Variants in MEGF11 observed in about 807,000 individuals in gnomAD.
MEGF11 encodes the protein multiple EGF like domains 11.
MEGF11 carries 126 observed loss-of-function variants against 146.6 expected under a neutral mutation model. The ratio of observed to expected loss-of-function variants is 0.86; its 90% CI spans 0.74 to 1.00. The LOEUF is 1.00. Among genes scored for constraint, MEGF11 ranks in the 50% least tolerant of loss-of-function variants. MEGF11 has a pLI of 0.00. For synonymous variants in MEGF11, 532 were observed against 583.4 expected (o/e 0.91, Z 1.27); for missense variants, 1,509 against 1,521.2 (o/e 0.99, Z 0.13).
intron 1 of MEGF11, among the ~76,000 whole-genome samples, chr15:66,140,605 G>A (rs942662002): frequency 1.3e-5 from 2 of 152,184 alleles, no homozygotes; most frequent in Non-Finnish European, 2.9e-5. Context: ...TAAATTTGCC[G>A]TAATACATAC....
At chr15:66,197,373 T>C (rs1464702642) in intron 1 of MEGF11, among the ~76,000 whole-genome samples, 1 of 152,218 alleles carries the variant, frequency 6.6e-6, no homozygotes, top group Non-Finnish European at 1.5e-5. Context: ...CATGCACATT[T>C]TCCCTGCCTT....
At chr15:66,096,583 G>T (rs1299432612) in intron 4 of MEGF11, among the ~76,000 whole-genome samples, 1 of 152,124 alleles carries the variant, frequency 6.6e-6, no homozygotes, top group Non-Finnish European at 1.5e-5. Context: ...CTGGCGGTGG[G>T]GCCGTTCCAG....
chr15:66,057,758 C>T (rs1402148741), intron 5 of MEGF11, among the ~76,000 whole-genome samples: 4 of 152,112 alleles, frequency 2.6e-5, no homozygotes, highest in African/African-American at 9.7e-5. Context: ...TGTTTAGGCT[C>T]ACTGACATTT....
chr15:65,967,045 C>G (rs1035953483), intron 8 of MEGF11: 5 of 152,146 alleles, frequency 3.3e-5, no homozygotes, highest in African/African-American at 1.2e-4. Flanking sequence ...AGCACTGATT[C>G]AACAGTGCGG....
At chr15:66,126,215 G>A (rs556221683) in intron 2 of MEGF11, among the ~76,000 whole-genome samples, 4 of 152,270 alleles carry the variant, frequency 2.6e-5, no homozygotes, top group African/African-American at 9.6e-5. Context: ...ACCGGGGTGT[G>A]TTTCTGGAAC....
chr15:66,006,442 A>C (rs2082523185), intron 5 of MEGF11, among the ~76,000 whole-genome samples: 1 of 152,240 alleles, frequency 6.6e-6, no homozygotes. Flanking sequence ...GGCAGGGCCA[A>C]GCATCAAGGT....
At chr15:66,077,895 T>C (rs2085659778) in intron 5 of MEGF11, among the ~76,000 whole-genome samples, 1 of 152,084 alleles carries the variant, frequency 6.6e-6, no homozygotes, top group Non-Finnish European at 1.5e-5. Flanking sequence ...GAGATGAGGT[T>C]GAAAGCCAGG....
chr15:66,145,468 C>A (rs1461867869), intron 1 of MEGF11, among the ~76,000 whole-genome samples: 1 of 152,152 alleles, frequency 6.6e-6, no homozygotes, highest in East Asian at 1.9e-4. Context: ...TAGCTATAGC[C>A]AGGTGCTGAA....
chr15:66,155,626 C>G (rs186930404), intron 1 of MEGF11, among the ~76,000 whole-genome samples: 1 of 152,202 alleles, frequency 6.6e-6, no homozygotes, highest in African/African-American at 2.4e-5. Flanking sequence ...ATAGAAACCT[C>G]GATTTAACAT....
chr15:66,047,079 C>T (rs948268961), intron 5 of MEGF11, among the ~76,000 whole-genome samples: 1 of 152,226 alleles, frequency 6.6e-6, no homozygotes, highest in African/African-American at 2.4e-5. Context: ...CGAAAGGGAG[C>T]CACATCAGGT....
intron 1 of MEGF11, among the ~76,000 whole-genome samples, chr15:66,174,565 T>A (rs2090343872): frequency 6.6e-6 from 1 of 151,864 alleles, no homozygotes; most frequent in African/African-American, 2.4e-5. Flanking sequence ...AACTCTGCAT[T>A]TTTCCAGGGA....
intron 6 of MEGF11, 27 bp from the exon 7 acceptor site, chr15:65,980,925 C>T (rs373724221): frequency 2.6e-6 from 4 of 1,543,104 alleles, no homozygotes; most frequent in East Asian, 4.7e-5. Flanking sequence ...AGGTGTTAGA[C>T]ACAGCAGCAT....
At chr15:66,013,029 C>T (rs368961707) in intron 5 of MEGF11, among the ~76,000 whole-genome samples, 15 of 152,230 alleles carry the variant, frequency 9.9e-5, no homozygotes, top group Non-Finnish European at 1.5e-4. Context: ...TCTCCTCTTT[C>T]GCCTTGTCAT....
rs149416307 is a variant in MEGF11 at position 66,115,798 on chromosome 15, A to G, written c.301+3288T>C. Among the ~76,000 whole-genome samples, 166 of 152,324 alleles carry G rather than the reference A, an allele frequency of 1.1e-3. 1 individual carries two copies. Among genetic ancestry groups the G allele is most frequent in the African/African-American group, 3.9e-3 (163 of 41,562 alleles). ...AAGGAAATGTGAAGCCACGGGAAGAACACCATGTGACGATCAGAGTCCTGC... is the reference window on the plus strand; with the variant it reads ...AAGGAAATGTGAAGCCACGGGAAGAGCACCATGTGACGATCAGAGTCCTGC... On this transcript the variant is annotated intron_variant, in intron 4 of 25. Transcript: ENST00000395614.
chr15:66,160,242 C>CCTCTCTCTCTCTCT (rs143653192), intron 1 of MEGF11, among the ~76,000 whole-genome samples: 2,158 of 133,334 alleles, frequency 0.016, 102 homozygotes, highest in African/African-American at 0.051. Flanking sequence ...AAGGAAAAGC[C>CCTCTCTCTCTCTCT]CTCTCTCTCT....
chr15:66,144,633 G>A (rs1003274496), intron 1 of MEGF11, among the ~76,000 whole-genome samples: 2 of 152,152 alleles, frequency 1.3e-5, no homozygotes, highest in Admixed American at 1.3e-4. Context: ...CCCCTTAGCA[G>A]CTATACAGCA....
intron 1 of MEGF11, among the ~76,000 whole-genome samples, chr15:66,235,734 G>A (rs960001996): frequency 3.9e-5 from 6 of 152,036 alleles, no homozygotes; most frequent in Non-Finnish European, 7.4e-5. Context: ...TCCTGGAAGC[G>A]TCCCAAGACT....
At chr15:66,145,863 G>A (rs2141019535) in intron 1 of MEGF11, among the ~76,000 whole-genome samples, 1 of 152,304 alleles carries the variant, frequency 6.6e-6, no homozygotes, top group East Asian at 1.9e-4. Context: ...TGCAAATGGA[G>A]ATAGCAATTG....
At chr15:65,949,920 G>A (rs1227171620) in intron 10 of MEGF11, among the ~76,000 whole-genome samples, 2 of 152,150 alleles carry the variant, frequency 1.3e-5, no homozygotes, top group Admixed American at 6.5e-5. Context: ...TTCTTCCCCC[G>A]TGTGAGCAGG....
Sources: gnomAD v4.1 joint callset for allele counts (sites outside exome capture counted in the v4.1 genomes callset) on GRCh38, gnomAD v4.1.1 for gene constraint, MANE v1.5 for transcripts, NCBI Gene and HGNC (gene_info 2026-07-23, HGNC 2026-07-21) for gene names.